FBN1: variants seen among roughly 807,000 people sequenced by gnomAD.
FBN1 encodes fibrillin-1.
FBN1 carries 29 observed loss-of-function variants against 365.1 expected under a neutral mutation model. That is an observed-to-expected ratio of 0.08 (90% CI 0.06 to 0.11). The LOEUF is 0.11. Ranked by LOEUF, FBN1 falls within the 10% of genes least tolerant of loss-of-function variation. FBN1 has a pLI of 1.00. For synonymous variants in FBN1, 1,210 were observed against 1,270.5 expected, an observed-to-expected ratio of 0.95 and a Z score of 1.01; for missense variants, 2,476 against 3,703.2, an observed-to-expected ratio of 0.67 and a Z score of 8.60.
intron 60 of FBN1, among the ~76,000 whole-genome samples, chr15:48,423,937 A>G (rs1223306200): frequency 1.3e-5 from 2 of 152,204 alleles, no homozygotes; most frequent in African/African-American, 4.8e-5. Flanking sequence ...TTCATTTTTC[A>G]TCTTTTAATT....
At chr15:48,628,188 TG>T (rs1454007243) in intron 2 of FBN1, among the ~76,000 whole-genome samples, 1 of 152,148 alleles carries the variant, frequency 6.6e-6, no homozygotes, top group African/African-American at 2.4e-5. Context: ...GAGGTGCTCC[TG>T]GGGCAGCTCT....
At chr15:48,497,141 C>G in intron 19 of FBN1, 125 bp downstream of exon 19, 2 of 1,079,700 alleles carry the variant, frequency 1.9e-6, no homozygotes, top group Non-Finnish European at 2.9e-6. Flanking sequence ...GCTGTGCTAA[C>G]ATCCGAAGTA....
chr15:48,495,478 T>C lies in FBN1; in HGVS notation c.2530A>G (p.Ile844Val). 1.9e-6 allele frequency: 3 copies of C among 1,614,052 alleles called. No homozygotes were observed. The highest frequency in any genetic ancestry group is 2.5e-6 in the Non-Finnish European group (3 of 1,179,976). Residue 844 changes from isoleucine (I) to valine (V), a missense_variant, in exon 21 of 66, where the codon ATC becomes GTC. Ile to Val is a conservative substitution (Grantham distance 29, BLOSUM62 3). Around this residue, in one of 5 missense-constraint regions of FBN1, gnomAD observed 1,780 missense variants for 2,840.8 expected, o/e 0.63. Transcript: ENST00000316623. ...SESTLDPTKT[I>V]CIETIKGTCW... Reference sequence around the variant, plus strand: ...TCAGAAAGATAAATACCTATGCAGATGGTTTTTGTTGGATCCAAAGTACTT... The same window carrying C: ...TCAGAAAGATAAATACCTATGCAGACGGTTTTTGTTGGATCCAAAGTACTT...
intron 6 of FBN1, among the ~76,000 whole-genome samples, chr15:48,563,686 CT>C (rs2044240594): frequency 6.6e-6 from 1 of 152,148 alleles, no homozygotes; most frequent in East Asian, 1.9e-4. Context: ...GTGGGTATCA[CT>C]CTGTTATTTG....
intron 64 of FBN1, 88 bp downstream of exon 64, chr15:48,415,448 G>T (rs1409630957): frequency 1.9e-6 from 2 of 1,028,280 alleles, no homozygotes; most frequent in Non-Finnish European, 3.0e-6. Flanking sequence ...GTTCTCCTCT[G>T]CTAGGACAGG....
chr15:48,561,064 G>C (rs2044219055), intron 6 of FBN1, among the ~76,000 whole-genome samples: 1 of 152,176 alleles, frequency 6.6e-6, no homozygotes, highest in South Asian at 2.1e-4. Context: ...AGTCTCAAGA[G>C]GGTTGAGTGA....
chr15:48,501,290 G>A (rs1043426783), intron 17 of FBN1, among the ~76,000 whole-genome samples: 3 of 152,072 alleles, frequency 2.0e-5, no homozygotes, highest in Admixed American at 2.0e-4. Context: ...CATTATTATG[G>A]GAGTGAGTTA....
Position 48,513,534 on chromosome 15 carries a change from G to A in FBN1, c.1588+15C>T. The A allele has an allele frequency of 1.9e-6, 3 of 1,613,872 alleles. No homozygotes were observed. Among genetic ancestry groups the A allele is most frequent in the Middle Eastern group, 1.7e-4 (1 of 6,058 alleles). ...ATATATGTCCCACATTCCACGTCAG[G>A]AGCCAGGACCATACCTCGGCATTCT... On this transcript the variant is annotated intron_variant, in intron 13 of 65. Coordinates refer to ENST00000316623, the MANE Select transcript of FBN1 (RefSeq NM_000138.5).
chr15:48,636,978 C>G (rs1452848998), intron 2 of FBN1, among the ~76,000 whole-genome samples: 1 of 152,234 alleles, frequency 6.6e-6, no homozygotes, highest in Non-Finnish European at 1.5e-5. Flanking sequence ...TAGGCCTGAT[C>G]TCGTTTCCCT....
intron 8 of FBN1, among the ~76,000 whole-genome samples, chr15:48,528,122 C>A (rs187179429): frequency 2.0e-5 from 3 of 152,320 alleles, no homozygotes; most frequent in African/African-American, 4.8e-5. Flanking sequence ...CCAAAGATCG[C>A]ATGAGGAGAC....
At chr15:48,421,422 C>T (rs2042940186) in intron 62 of FBN1, 136 bp downstream of exon 62, 2 of 994,364 alleles carry the variant, frequency 2.0e-6, no homozygotes, top group East Asian at 5.2e-5. Context: ...AGGACCTGTG[C>T]ACACTATTTT....
At position 48,483,904 on chromosome 15, in the gene FBN1, C is replaced by A; in HGVS notation, c.3752G>T (p.Gly1251Val). The change falls in exon 31 of 66, where the codon GGT becomes GTT. Residue 1251 changes from glycine (G) to valine (V), a missense_variant. Gly to Val is a moderately radical substitution (Grantham distance 109, BLOSUM62 -3). This residue lies in a region of FBN1 where 1,780 missense variants were observed against 2,840.8 expected (regional missense o/e 0.63). Transcript: ENST00000316623. ...ECEDNPNICD[G>V]GQCTNIPGEY... ...TCCAGGGATATTTGTGCACTGACCA[C>A]CATCACAGATATTGGGATTATCTTC... The A allele has an allele frequency of 6.2e-7, 1 of 1,613,366 alleles. No individual in the cohort carries two copies. Among genetic ancestry groups the A allele is most frequent in the African/African-American group, 1.3e-5 (1 of 75,044 alleles).
chr15:48,418,208 G>A (rs1316779259), intron 63 of FBN1, among the ~76,000 whole-genome samples: 1 of 152,102 alleles, frequency 6.6e-6, no homozygotes, highest in Non-Finnish European at 1.5e-5. Flanking sequence ...CCTTCAAGGT[G>A]GTATTTAAGC....
chr15:48,513,498 C>T, intron 13 of FBN1, 51 bp downstream of exon 13: 2 of 1,613,056 alleles, frequency 1.2e-6, no homozygotes, highest in Admixed American at 1.7e-5. Context: ...TGAAGCCAAC[C>T]CCCAGTTAGC....
At chr15:48,643,750 C>T (rs976755205) in intron 2 of FBN1, 1 of 152,146 alleles carries the variant, frequency 6.6e-6, no homozygotes, top group Non-Finnish European at 1.5e-5. Flanking sequence ...CACTGACAGT[C>T]CATCCTGTTG....
intron 6 of FBN1, among the ~76,000 whole-genome samples, chr15:48,540,716 C>T (rs1046500526): frequency 6.6e-6 from 1 of 152,080 alleles, no homozygotes; most frequent in Non-Finnish European, 1.5e-5. Flanking sequence ...ATAAATAAAA[C>T]TCTCCATGTT....
At chr15:48,503,534 G>A (rs530731343) in intron 17 of FBN1, among the ~76,000 whole-genome samples, 32 of 152,190 alleles carry the variant, frequency 2.1e-4, no homozygotes, top group Non-Finnish European at 4.3e-4. Context: ...TGCATGTATT[G>A]CAAACAGCTT....
At chr15:48,470,936 G>A (rs528853434) in intron 35 of FBN1, among the ~76,000 whole-genome samples, 180 bp from the exon 36 acceptor site, 1 of 152,280 alleles carries the variant, frequency 6.6e-6, no homozygotes, top group East Asian at 1.9e-4. Context: ...TCTCGTAGGT[G>A]AGAGGTTACT....
At chr15:48,515,558 T>C (rs1474375973) in intron 11 of FBN1, 31 bp from the exon 12 acceptor site, 1 of 1,613,108 alleles carries the variant, frequency 6.2e-7, no homozygotes. Flanking sequence ...ATTAAAATTA[T>C]TTTAACTATG....
Sources: allele counts gnomAD v4.1 joint callset (sites outside exome capture counted in the v4.1 genomes callset), GRCh38; gene constraint gnomAD v4.1.1; regional missense constraint gnomAD v4.1.1; transcripts MANE v1.5; gene names NCBI Gene and HGNC (gene_info 2026-07-23, HGNC 2026-07-21).